The following ANO4 variants were observed in gnomAD, a reference collection of about 807,000 sequenced individuals.
ANO4 encodes anoctamin 4, also known as anoctamin-4.
In ANO4, 69 loss-of-function variants were observed where a neutral mutation model predicts 141.9. That is an observed-to-expected ratio of 0.49 (90% CI 0.40 to 0.59). ANO4 has a LOEUF of 0.59. ANO4 is among the 20% of genes least tolerant of loss of function. The pLI is 0.00. For missense variants in ANO4, 894 were observed against 1,162.2 expected, an observed-to-expected ratio of 0.77 and a Z score of 3.36; for synonymous variants, 350 against 394.3, an observed-to-expected ratio of 0.89 and a Z score of 1.33.
At chr12:100,976,818 C>T (rs1351431230) in intron 7 of ANO4, among the ~76,000 whole-genome samples, 1 of 152,176 alleles carries the variant, frequency 6.6e-6, no homozygotes. Flanking sequence ...AGAGGTTTCT[C>T]CCAACTTTGA....
intron 18 of ANO4, among the ~76,000 whole-genome samples, chr12:101,095,335 A>AGTTG (rs1398840830): frequency 6.6e-6 from 1 of 152,206 alleles, no homozygotes; most frequent in Admixed American, 6.5e-5. Context: ...GCCCATTGGT[A>AGTTG]GACAATGTAC....
intron 3 of ANO4, among the ~76,000 whole-genome samples, chr12:100,782,012 T>C (rs1226945118): frequency 6.6e-6 from 1 of 152,226 alleles, no homozygotes; most frequent in Non-Finnish European, 1.5e-5. Flanking sequence ...CATCAGCTTT[T>C]CATCACTTCC....
rs1188293774 is a variant in ANO4, at chr12:101,105,341, C to T, written c.2150-5063C>T. 2.0e-5 allele frequency among the ~76,000 whole-genome samples: 3 copies of T among 152,122 alleles called. No individual in the cohort carries two copies. The South Asian group carries it at 6.2e-4, about 32-fold the overall frequency. On this transcript the variant is annotated intron_variant, in intron 22 of 27. Transcript: ENST00000392977. ...GAAAGCGGAGTATCACAAATTTGTT[C>T]CTAAAGAACTAGATAGTAAATAATT... is the stretch of plus-strand genomic sequence containing the variant.
Position 101,008,503 on chromosome 12 carries a change from C to T in ANO4, c.735-11531C>T, listed in dbSNP as rs184675238. ...TAGATACCTATTCTTATCCTTTCAACGTAGTTATATTACAATTTAATTACA... is the reference window on the plus strand; with the variant it reads ...TAGATACCTATTCTTATCCTTTCAATGTAGTTATATTACAATTTAATTACA... On this transcript the variant is annotated intron_variant, in intron 8 of 27. Transcript: ENST00000392977. Among the ~76,000 whole-genome samples, 21 of 152,214 alleles carry T rather than the reference C, an allele frequency of 1.4e-4. No individual in the cohort carries two copies. The South Asian group carries it at 1.7e-3, about 12-fold the overall frequency.
intron 8 of ANO4, among the ~76,000 whole-genome samples, chr12:100,998,562 A>G (rs1241119029): frequency 6.6e-6 from 1 of 152,228 alleles, no homozygotes; most frequent in Non-Finnish European, 1.5e-5. Context: ...CTAGTTGAAA[A>G]TGGTTCCATG....
At chr12:101,090,579 C>T (rs919694986) in intron 17 of ANO4, among the ~76,000 whole-genome samples, 4 of 152,078 alleles carry the variant, frequency 2.6e-5, no homozygotes, top group African/African-American at 4.8e-5. Flanking sequence ...TGGGGAACAT[C>T]ACACACCAGG....
chr12:100,919,555 A>C (rs556517116), intron 2 of ANO4, among the ~76,000 whole-genome samples: 1 of 152,152 alleles, frequency 6.6e-6, no homozygotes, highest in East Asian at 1.9e-4. Flanking sequence ...GGCTATACCA[A>C]CTATGTTTGT....
At chr12:100,840,845 G>A (rs1460481289) in intron 1 of ANO4, among the ~76,000 whole-genome samples, 1 of 152,086 alleles carries the variant, frequency 6.6e-6, no homozygotes, top group African/African-American at 2.4e-5. Context: ...TTAGGCTATG[G>A]AATGTTAATT....
chr12:101,078,304 T>C (rs991714181), intron 14 of ANO4, among the ~76,000 whole-genome samples: 1 of 150,284 alleles, frequency 6.7e-6, no homozygotes, highest in African/African-American at 2.5e-5. Flanking sequence ...ATAGTCATTC[T>C]CAGAGTGTGA....
At chr12:101,005,311 A>G (rs1046049431) in intron 8 of ANO4, among the ~76,000 whole-genome samples, 5 of 152,206 alleles carry the variant, frequency 3.3e-5, no homozygotes, top group African/African-American at 7.2e-5. Flanking sequence ...AAAAAAAATG[A>G]TTTCCTCTTT....
At chr12:101,097,540 C>A (rs2050033077) in intron 19 of ANO4, 111 bp from the exon 20 acceptor site, 1 of 1,035,744 alleles carries the variant, frequency 9.7e-7, no homozygotes, top group Non-Finnish European at 1.5e-6. Context: ...CCCAGACCTA[C>A]TACTTATAGT....
At chr12:100,865,537 C>T (rs2038711604) in intron 1 of ANO4, among the ~76,000 whole-genome samples, 1 of 151,920 alleles carries the variant, frequency 6.6e-6, no homozygotes, top group Admixed American at 6.6e-5. Context: ...TTTATGCGGC[C>T]AACAAACATA....
chr12:101,119,657 T>C lies in ANO4; in HGVS notation c.2571-863T>C, dbSNP rs190474493. On this transcript the variant is annotated intron_variant, in intron 25 of 27. Coordinates refer to ENST00000392977, the MANE Select transcript of ANO4 (RefSeq NM_001286615.2). ...ACTACATATAGTATAGTACCCTTTC[T>C]ATAAAGTTCAAAAACAAACTAAATA... Among the ~76,000 whole-genome samples, 68 of 152,292 alleles carry C rather than the reference T, an allele frequency of 4.5e-4. 1 individual carries two copies. In the East Asian group the frequency reaches 0.012, roughly 28 times the overall value.
intron 15 of ANO4, among the ~76,000 whole-genome samples, chr12:101,082,590 C>T (rs1378121607): frequency 6.6e-6 from 1 of 152,220 alleles, no homozygotes; most frequent in East Asian, 1.9e-4. Context: ...AAAGACAGAG[C>T]CTGCTCCTAA....
chr12:100,886,741 C>T (rs1221041592), intron 1 of ANO4, among the ~76,000 whole-genome samples: 2 of 152,168 alleles, frequency 1.3e-5, no homozygotes, highest in African/African-American at 2.4e-5. Context: ...TTTGGGTCTA[C>T]AGTAGCAGAG....
At chr12:100,981,491 G>GGAAAA (rs1034583524) in intron 7 of ANO4, among the ~76,000 whole-genome samples, 2 of 151,372 alleles carry the variant, frequency 1.3e-5, no homozygotes, top group Non-Finnish European at 2.9e-5. Context: ...AGGAAGGAAG[G>GGAAAA]GAAAAGAAAA....
chr12:100,935,222 G>A (rs1296753028), intron 3 of ANO4, among the ~76,000 whole-genome samples: 3 of 152,158 alleles, frequency 2.0e-5, no homozygotes, highest in South Asian at 2.1e-4. Context: ...GATATTGGCT[G>A]TGGGTTTGTC....
At chr12:101,036,319 C>A (rs901902390) in intron 9 of ANO4, among the ~76,000 whole-genome samples, 2 of 152,076 alleles carry the variant, frequency 1.3e-5, no homozygotes, top group South Asian at 4.1e-4. Flanking sequence ...AATGAACTAC[C>A]GTATGATACA....
chr12:100,895,273 A>C (rs2040294345), intron 1 of ANO4, among the ~76,000 whole-genome samples: 1 of 152,120 alleles, frequency 6.6e-6, no homozygotes, highest in Non-Finnish European at 1.5e-5. Flanking sequence ...GTAATGCAAC[A>C]CATAGACAGC....
Sources: allele counts gnomAD v4.1 joint callset (sites outside exome capture counted in the v4.1 genomes callset), GRCh38; gene constraint gnomAD v4.1.1; transcripts MANE v1.5; gene names NCBI Gene and HGNC (gene_info 2026-07-23, HGNC 2026-07-21).